GPC5: variants seen among roughly 807,000 people sequenced by gnomAD.
The protein encoded by GPC5 is glypican-5.
GPC5 carries 47 observed loss-of-function variants against 53.9 expected under a neutral mutation model. The observed-to-expected ratio is 0.87, with a 90% CI of 0.69 to 1.11. The LOEUF is 1.11. Among genes scored for constraint, GPC5 ranks in the 50% most tolerant of loss-of-function variants. The probability of loss-of-function intolerance (pLI) is 0.00; values close to 1 mark genes in which losing one functional copy is unlikely to be tolerated. For synonymous variants in GPC5, 286 were observed against 263.3 expected (o/e 1.09, Z -0.84); for missense variants, 748 against 713.1 (o/e 1.05, Z -0.56).
intron 5 of GPC5, among the ~76,000 whole-genome samples, chr13:91,878,426 A>G (rs769016776): frequency 2.6e-5 from 4 of 152,172 alleles, no homozygotes; most frequent in African/African-American, 4.8e-5. Context: ...TGCAGGTATG[A>G]TTTCACCTAG....
intron 7 of GPC5, among the ~76,000 whole-genome samples, chr13:92,569,087 C>G (rs1275408831): frequency 1.2e-4 from 13 of 109,214 alleles, no homozygotes; most frequent in African/African-American, 4.6e-4. Flanking sequence ...CTCCCCCCAC[C>G]CCACAACAGT....
intron 7 of GPC5, among the ~76,000 whole-genome samples, chr13:92,153,511 T>A (rs1282306540): frequency 6.6e-6 from 1 of 152,220 alleles, no homozygotes; most frequent in African/African-American, 2.4e-5. Flanking sequence ...ATTTTGTTGA[T>A]GAATATTGGA....
At chr13:91,725,598 C>A (rs187314611) in intron 3 of GPC5, among the ~76,000 whole-genome samples, 17 of 152,214 alleles carry the variant, frequency 1.1e-4, no homozygotes, top group African/African-American at 4.1e-4. Context: ...TGGATACAAT[C>A]AAAGATATCT....
chr13:92,546,031 T>C (rs1359232170), intron 7 of GPC5, among the ~76,000 whole-genome samples: 1 of 152,164 alleles, frequency 6.6e-6, no homozygotes, highest in African/African-American at 2.4e-5. Context: ...CTAGGTTTTC[T>C]TCTAGAGAAA....
At position 91,766,102 on chromosome 13, in the gene GPC5, G is replaced by A. The variant is rs150637539; in HGVS notation, c.1280+9682G>A. Among the ~76,000 whole-genome samples, 1,027 of 152,292 alleles carry A rather than the reference G, an allele frequency of 6.7e-3. 10 individuals carry two copies. The highest frequency in any genetic ancestry group is 0.017 in the Middle Eastern group (5 of 294). On this transcript the variant is annotated intron_variant, in intron 5 of 7. Transcript: ENST00000377067. Reference sequence around the variant, plus strand: ...ACAGTGATGGACAAAATAGACATAAGTCCATCTCTCATGTAGACTAGGATA... The same window carrying A: ...ACAGTGATGGACAAAATAGACATAAATCCATCTCTCATGTAGACTAGGATA...
chr13:92,118,000 A>G (rs1368140948), intron 6 of GPC5, among the ~76,000 whole-genome samples: 1 of 152,230 alleles, frequency 6.6e-6, no homozygotes, highest in Non-Finnish European at 1.5e-5. Flanking sequence ...TAAGTGGTAG[A>G]AGAGCTAACT....
At chr13:91,429,505 G>C (rs1879283006) in intron 1 of GPC5, among the ~76,000 whole-genome samples, 1 of 152,124 alleles carries the variant, frequency 6.6e-6, no homozygotes, top group Non-Finnish European at 1.5e-5. Flanking sequence ...TTCTAACATA[G>C]GCCCTCAGAA....
At chr13:92,536,135 T>A (rs189830020) in intron 7 of GPC5, among the ~76,000 whole-genome samples, 1 of 152,276 alleles carries the variant, frequency 6.6e-6, no homozygotes, top group African/African-American at 2.4e-5. Flanking sequence ...TTAATGTGCA[T>A]CGTCTCTAAG....
At chr13:92,509,277 G>A (rs919627665) in intron 7 of GPC5, among the ~76,000 whole-genome samples, 3 of 151,978 alleles carry the variant, frequency 2.0e-5, no homozygotes, top group Non-Finnish European at 2.9e-5. Context: ...GCTCTAAGGG[G>A]AATTCCTTTC....
chr13:91,459,689 A>T (rs1025834179), intron 2 of GPC5, among the ~76,000 whole-genome samples: 2 of 152,140 alleles, frequency 1.3e-5, no homozygotes, highest in African/African-American at 4.8e-5. Flanking sequence ...GTGGTGTGAC[A>T]GAGACATCCA....
At chr13:91,446,672 C>T (rs1336689547) in intron 1 of GPC5, among the ~76,000 whole-genome samples, 2 of 152,166 alleles carry the variant, frequency 1.3e-5, no homozygotes, top group African/African-American at 4.8e-5. Flanking sequence ...TGTGCTGATA[C>T]TGTGAACAAA....
At chr13:92,341,913 G>T (rs1314071829) in intron 7 of GPC5, among the ~76,000 whole-genome samples, 1 of 152,124 alleles carries the variant, frequency 6.6e-6, no homozygotes, top group Non-Finnish European at 1.5e-5. Flanking sequence ...ATGCCATTAT[G>T]AAACGGGAAA....
intron 2 of GPC5, among the ~76,000 whole-genome samples, chr13:91,581,186 A>C (rs886746830): frequency 4.6e-5 from 7 of 152,220 alleles, no homozygotes; most frequent in Admixed American, 2.6e-4. Flanking sequence ...GACAAAGTCA[A>C]ACCATATCTT....
chr13:92,588,651 A>G (rs1594326620), intron 7 of GPC5, among the ~76,000 whole-genome samples: 1 of 152,222 alleles, frequency 6.6e-6, no homozygotes, highest in Non-Finnish European at 1.5e-5. Context: ...TGTCTGTTCT[A>G]ATTCAGCAGT....
intron 7 of GPC5, among the ~76,000 whole-genome samples, chr13:92,684,714 GT>G (rs1276111073): frequency 2.0e-5 from 3 of 152,174 alleles, no homozygotes; most frequent in African/African-American, 7.2e-5. Context: ...TTTTCTGCAT[GT>G]TTTGTGGGGC....
At chr13:91,474,534 A>C (rs949813981) in intron 2 of GPC5, among the ~76,000 whole-genome samples, 1 of 152,092 alleles carries the variant, frequency 6.6e-6, no homozygotes, top group Admixed American at 6.6e-5. Flanking sequence ...TGAGAGTCTG[A>C]TATATATGAT....
chr13:92,786,129 T>A (rs531486626), intron 7 of GPC5, among the ~76,000 whole-genome samples: 63 of 152,276 alleles, frequency 4.1e-4, no homozygotes, highest in African/African-American at 1.5e-3. Context: ...AGTTTACCTA[T>A]AATGATCACA....
At chr13:92,414,997 G>A (rs1876222694) in intron 7 of GPC5, among the ~76,000 whole-genome samples, 1 of 152,178 alleles carries the variant, frequency 6.6e-6, no homozygotes, top group South Asian at 2.1e-4. Flanking sequence ...CCTAAATGGG[G>A]CTAGGATGTA....
At chr13:91,620,698 C>A (rs2033830547) in intron 2 of GPC5, among the ~76,000 whole-genome samples, 1 of 152,086 alleles carries the variant, frequency 6.6e-6, no homozygotes, top group Non-Finnish European at 1.5e-5. Context: ...TTTTCATCTT[C>A]CAGGACTTTT....
Sources: gnomAD v4.1 joint callset for allele counts (sites outside exome capture counted in the v4.1 genomes callset) on GRCh38, gnomAD v4.1.1 for gene constraint, MANE v1.5 for transcripts, NCBI Gene and HGNC (gene_info 2026-07-23, HGNC 2026-07-21) for gene names.